Variants in LRRTM4 observed in about 807,000 individuals in gnomAD.
The protein encoded by LRRTM4 is leucine-rich repeat transmembrane neuronal protein 4.
LRRTM4 carries 25 observed loss-of-function variants against 47.6 expected under a neutral mutation model. The ratio of observed to expected loss-of-function variants is 0.53; its 90% CI spans 0.38 to 0.73. The LOEUF (loss-of-function observed/expected upper bound fraction) is 0.73, where lower values mean the gene tolerates loss of function less well. Among genes scored for constraint, LRRTM4 ranks in the 30% least tolerant of loss-of-function variants. The pLI is 0.00. For missense variants in LRRTM4, 638 were observed against 713.4 expected (o/e 0.89, Z 1.20); for synonymous variants, 311 against 269.5 (o/e 1.15, Z -1.51).
chr2:77,472,932 A>T (rs1303921697), intron 3 of LRRTM4, among the ~76,000 whole-genome samples: 1 of 152,190 alleles, frequency 6.6e-6, no homozygotes, highest in Non-Finnish European at 1.5e-5. Context: ...TTTTGCTCAC[A>T]GCAATCTCAT....
At chr2:77,430,311 A>G (rs892901091) in intron 3 of LRRTM4, among the ~76,000 whole-genome samples, 1 of 152,198 alleles carries the variant, frequency 6.6e-6, no homozygotes, top group African/African-American at 2.4e-5. Context: ...ATCCCATATA[A>G]TCACTTAAAA....
At chr2:77,106,040 A>C (rs1385819346) in intron 3 of LRRTM4, among the ~76,000 whole-genome samples, 1 of 152,122 alleles carries the variant, frequency 6.6e-6, no homozygotes, top group Non-Finnish European at 1.5e-5. Flanking sequence ...GGGCCTTTGC[A>C]CCAGCTTTCT....
chr2:76,786,358 A>G (rs1488032578), intron 3 of LRRTM4, among the ~76,000 whole-genome samples: 1 of 152,152 alleles, frequency 6.6e-6, no homozygotes, highest in Non-Finnish European at 1.5e-5. Flanking sequence ...TAAAAAACCC[A>G]CAAATGATGA....
intron 3 of LRRTM4, among the ~76,000 whole-genome samples, chr2:76,807,379 A>G (rs72919678): frequency 0.59 from 78,952 of 133,780 alleles, 24,493 homozygotes; most frequent in East Asian, 0.77. Flanking sequence ...ATAAACATTC[A>G]TTTTATATAT....
At chr2:77,187,583 C>T (rs758587416) in intron 3 of LRRTM4, among the ~76,000 whole-genome samples, 14 of 151,744 alleles carry the variant, frequency 9.2e-5, no homozygotes, top group Non-Finnish European at 2.1e-4. Flanking sequence ...ATGTAACAAA[C>T]CTGCACGTTG....
At chr2:76,993,006 G>A (rs116661506) in intron 3 of LRRTM4, among the ~76,000 whole-genome samples, 2,384 of 151,614 alleles carry the variant, frequency 0.016, 80 homozygotes, top group African/African-American at 0.054. Context: ...GAATTCAACC[G>A]AAATAAGCAG....
Position 77,390,160 on chromosome 2 carries a change from T to C in LRRTM4, c.1551+128158A>G, listed in dbSNP as rs1050428979. Among the ~76,000 whole-genome samples the C allele has an allele frequency of 3.6e-4, 55 of 152,062 alleles. 1 individual carries two copies. Among genetic ancestry groups the C allele is most frequent in the African/African-American group, 1.3e-3 (54 of 41,424 alleles). ...ACTGCTCAGACCCCAGGAAACACTT[T>C]TCAACATTTGTCCTATTCATTTTAA... On this transcript the variant is annotated intron_variant, in intron 3 of 3. Transcript: ENST00000409884.
chr2:77,380,720 CG>C (rs1673018089), intron 3 of LRRTM4, among the ~76,000 whole-genome samples: 1 of 151,436 alleles, frequency 6.6e-6, no homozygotes, highest in Admixed American at 6.6e-5. Context: ...CGCTTGAACC[CG>C]GGAGGCAGAG....
At chr2:77,310,643 C>T (rs541869971) in intron 3 of LRRTM4, among the ~76,000 whole-genome samples, 4 of 152,224 alleles carry the variant, frequency 2.6e-5, no homozygotes, top group East Asian at 1.9e-4. Context: ...CTCCTTCAAT[C>T]GAACATGAAA....
At chr2:77,166,044 T>C (rs1195961845) in intron 3 of LRRTM4, among the ~76,000 whole-genome samples, 2 of 152,190 alleles carry the variant, frequency 1.3e-5, no homozygotes, top group Non-Finnish European at 1.5e-5. Flanking sequence ...GATGACATGA[T>C]TGTATATGTA....
At chr2:77,036,068 A>G (rs1010072647) in intron 3 of LRRTM4, among the ~76,000 whole-genome samples, 2 of 151,830 alleles carry the variant, frequency 1.3e-5, no homozygotes, top group African/African-American at 4.8e-5. Flanking sequence ...AAAGCTAAAG[A>G]ATACAAATTG....
At chr2:76,900,960 TTCTC>T (rs142438105) in intron 3 of LRRTM4, among the ~76,000 whole-genome samples, 2,181 of 152,320 alleles carry the variant, frequency 0.014, 25 homozygotes, top group Non-Finnish European at 0.024. Context: ...TAACATTTCT[TTCTC>T]TCTTTTTTTG....
intron 3 of LRRTM4, among the ~76,000 whole-genome samples, chr2:77,075,267 TTGAC>T (rs1339590334): frequency 1.3e-5 from 2 of 152,222 alleles, no homozygotes; most frequent in African/African-American, 4.8e-5. Flanking sequence ...CACTAATTAT[TTGAC>T]TATTATTTCT....
At chr2:77,243,526 C>A (rs78230930) in intron 3 of LRRTM4, among the ~76,000 whole-genome samples, 1 of 148,544 alleles carries the variant, frequency 6.7e-6, no homozygotes, top group Admixed American at 6.7e-5. Flanking sequence ...TGGTGGTTTC[C>A]GGCATCTGGG....
At chr2:77,127,973 T>C (rs1487662978) in intron 3 of LRRTM4, among the ~76,000 whole-genome samples, 1 of 151,976 alleles carries the variant, frequency 6.6e-6, no homozygotes, top group African/African-American at 2.4e-5. Flanking sequence ...TGAAACCCTG[T>C]CTCTACTAAA....
At chr2:77,345,230 T>C (rs1671519754) in intron 3 of LRRTM4, among the ~76,000 whole-genome samples, 1 of 151,548 alleles carries the variant, frequency 6.6e-6, no homozygotes. Context: ...ATATTAAATA[T>C]AAATGGTGTA....
chr2:77,340,940 A>G (rs1243050614), intron 3 of LRRTM4, among the ~76,000 whole-genome samples: 1 of 151,962 alleles, frequency 6.6e-6, no homozygotes, highest in Non-Finnish European at 1.5e-5. Context: ...TCTGAGTCAG[A>G]GAAAATTCAA....
intron 3 of LRRTM4, among the ~76,000 whole-genome samples, chr2:76,820,417 A>G (rs1008842153): frequency 2.0e-5 from 3 of 151,960 alleles, no homozygotes; most frequent in Admixed American, 6.6e-5. Context: ...ATTAGAGAAT[A>G]ATGGAGTGTT....
chr2:77,338,635 T>C (rs901422945), intron 3 of LRRTM4, among the ~76,000 whole-genome samples: 4 of 152,012 alleles, frequency 2.6e-5, no homozygotes, highest in Non-Finnish European at 1.5e-5. Context: ...AAGGAAACAC[T>C]CATACACTGT....
Sources: allele counts gnomAD v4.1 joint callset (sites outside exome capture counted in the v4.1 genomes callset), GRCh38; gene constraint gnomAD v4.1.1; transcripts MANE v1.5; gene names NCBI Gene and HGNC (gene_info 2026-07-23, HGNC 2026-07-21).